The following MDGA2 variants were observed in gnomAD, a reference collection of about 807,000 sequenced individuals.
MDGA2 encodes MAM domain containing glycosylphosphatidylinositol anchor 2, also known as MAM domain-containing glycosylphosphatidylinositol anchor protein 2.
In MDGA2, 40 loss-of-function variants were observed where a neutral mutation model predicts 117.8. The ratio of observed to expected loss-of-function variants is 0.34; its 90% confidence interval spans 0.26 to 0.44. The LOEUF (loss-of-function observed/expected upper bound fraction) is 0.44, where lower values mean the gene tolerates loss of function less well. MDGA2 is among the 20% of genes least tolerant of loss of function. MDGA2 has a pLI of 1.00. For missense variants in MDGA2, 1,123 were observed against 1,250.6 expected (o/e 0.90, Z 1.54); for synonymous variants, 452 against 439.0 (o/e 1.03, Z -0.37).
intron 3 of MDGA2, among the ~76,000 whole-genome samples, chr14:47,157,856 C>A (rs1427851760): frequency 2.0e-5 from 3 of 152,112 alleles, no homozygotes; most frequent in Non-Finnish European, 4.4e-5. Context: ...TCCTGCTGCC[C>A]TGTGAAGAAG....
intron 1 of MDGA2, among the ~76,000 whole-genome samples, chr14:47,522,735 A>T (rs1346177700): frequency 6.6e-6 from 1 of 152,228 alleles, no homozygotes; most frequent in Non-Finnish European, 1.5e-5. Context: ...TCCCTACTTT[A>T]TAGTATTTCG....
chr14:47,373,578 C>G (rs1891412441), intron 1 of MDGA2, among the ~76,000 whole-genome samples: 1 of 151,904 alleles, frequency 6.6e-6, no homozygotes, highest in Non-Finnish European at 1.5e-5. Context: ...TATATGGTTA[C>G]GTTCATATAG....
intron 1 of MDGA2, among the ~76,000 whole-genome samples, chr14:47,665,828 G>GC (rs1183147960): frequency 7.5e-5 from 1 of 13,396 alleles, no homozygotes; most frequent in Non-Finnish European, 1.6e-4. Flanking sequence ...CCCCGCCCCC[G>GC]CCCCACCCCG....
rs537055279 is a variant in MDGA2 at position 47,586,979 on chromosome 14, A to AT, written c.280+87537dup. ...ACCTTAGACTTAACTACAAATAGCT[A>AT]TTAATTCTTGGATTTTTTTAGTTTT... On this transcript the variant is annotated intron_variant, in intron 1 of 16. Coordinates refer to ENST00000399232, the MANE Select transcript of MDGA2 (RefSeq NM_001113498.3). 2.5e-4 allele frequency among the ~76,000 whole-genome samples: 38 copies of AT among 152,056 alleles called. No homozygotes were observed. In the South Asian group the frequency reaches 7.3e-3, roughly 29 times the overall value.
intron 1 of MDGA2, among the ~76,000 whole-genome samples, chr14:47,418,580 T>G (rs1026377595): frequency 6.6e-6 from 1 of 152,128 alleles, no homozygotes; most frequent in Non-Finnish European, 1.5e-5. Flanking sequence ...GGATCCAACC[T>G]CATGACCAAA....
intron 9 of MDGA2, among the ~76,000 whole-genome samples, chr14:46,930,211 T>C (rs1884514661): frequency 6.6e-6 from 1 of 152,002 alleles, no homozygotes; most frequent in Admixed American, 6.6e-5. Flanking sequence ...TTTAATAAAG[T>C]TTAACAGAAT....
At chr14:47,150,362 A>T (rs1169487660) in intron 3 of MDGA2, among the ~76,000 whole-genome samples, 1 of 152,228 alleles carries the variant, frequency 6.6e-6, no homozygotes, top group Non-Finnish European at 1.5e-5. Flanking sequence ...ACTGCAGAAG[A>T]TAAGAATCTC....
intron 1 of MDGA2, among the ~76,000 whole-genome samples, chr14:47,338,459 TA>T (rs1317731189): frequency 6.6e-6 from 1 of 151,966 alleles, no homozygotes; most frequent in Admixed American, 6.6e-5. Flanking sequence ...TAGATATGTT[TA>T]TTTTTGAGAG....
intron 2 of MDGA2, among the ~76,000 whole-genome samples, chr14:47,270,232 A>G (rs1055353095): frequency 6.6e-6 from 1 of 152,144 alleles, no homozygotes; most frequent in African/African-American, 2.4e-5. Flanking sequence ...TTGTGTTCCA[A>G]AAAAGGTAAT....
chr14:46,961,211 G>T (rs4453370), intron 8 of MDGA2, among the ~76,000 whole-genome samples: 2 of 151,882 alleles, frequency 1.3e-5, no homozygotes, highest in African/African-American at 2.4e-5. Flanking sequence ...TTATGGGTTT[G>T]AAATTTGTTG....
intron 2 of MDGA2, among the ~76,000 whole-genome samples, chr14:47,233,130 T>C (rs1339523798): frequency 3.3e-5 from 5 of 152,118 alleles, no homozygotes; most frequent in Non-Finnish European, 7.4e-5. Flanking sequence ...ACTAAAAGTT[T>C]ACTGCTTGAT....
At chr14:47,270,656 A>T (rs1888113553) in intron 2 of MDGA2, among the ~76,000 whole-genome samples, 1 of 152,174 alleles carries the variant, frequency 6.6e-6, no homozygotes, top group Admixed American at 6.6e-5. Context: ...AGGACAAAAT[A>T]CAGTGATGGA....
chr14:46,970,993 A>G (rs537434099), intron 8 of MDGA2, among the ~76,000 whole-genome samples: 2 of 152,056 alleles, frequency 1.3e-5, no homozygotes, highest in East Asian at 3.9e-4. Context: ...TTACCTTACC[A>G]ATTACCTTAC....
chr14:47,278,926 T>C (rs1004464204), intron 2 of MDGA2, among the ~76,000 whole-genome samples: 4 of 152,150 alleles, frequency 2.6e-5, no homozygotes, highest in East Asian at 3.9e-4. Context: ...TGGGGAAAGT[T>C]TGACATCAGA....
chr14:47,596,095 G>T (rs566042976), intron 1 of MDGA2, among the ~76,000 whole-genome samples: 1 of 152,262 alleles, frequency 6.6e-6, no homozygotes, highest in Non-Finnish European at 1.5e-5. Context: ...GGACATAATG[G>T]AAGTATTCTA....
At chr14:47,172,120 G>A (rs997733454) in intron 3 of MDGA2, among the ~76,000 whole-genome samples, 1 of 152,168 alleles carries the variant, frequency 6.6e-6, no homozygotes, top group Non-Finnish European at 1.5e-5. Context: ...GCCCAGGCTT[G>A]CTCAGCTAAA....
chr14:47,511,782 A>G (rs1340385408), intron 1 of MDGA2, among the ~76,000 whole-genome samples: 2 of 152,196 alleles, frequency 1.3e-5, no homozygotes, highest in African/African-American at 4.8e-5. Context: ...TATCAATGCA[A>G]CTGGTAAAGC....
At chr14:47,664,950 G>A (rs560527976) in intron 1 of MDGA2, among the ~76,000 whole-genome samples, 1 of 152,242 alleles carries the variant, frequency 6.6e-6, no homozygotes, top group East Asian at 1.9e-4. Context: ...GAATCTTGAT[G>A]GACATATATA....
intron 2 of MDGA2, among the ~76,000 whole-genome samples, chr14:47,239,111 C>A (rs1418886382): frequency 6.6e-6 from 1 of 151,220 alleles, no homozygotes; most frequent in African/African-American, 2.4e-5. Context: ...GCTACTATCG[C>A]CATCATAAAG....
Sources: gnomAD v4.1 joint callset for allele counts (sites outside exome capture counted in the v4.1 genomes callset) on GRCh38, gnomAD v4.1.1 for gene constraint, MANE v1.5 for transcripts, NCBI Gene and HGNC (gene_info 2026-07-23, HGNC 2026-07-21) for gene names.